TANC2: variants seen among roughly 807,000 people sequenced by gnomAD.
TANC2 encodes tetratricopeptide repeat, ankyrin repeat and coiled-coil containing 2.
In TANC2, 26 loss-of-function variants were observed where a neutral mutation model predicts 210.5. The ratio of observed to expected loss-of-function variants is 0.12; its 90% confidence interval spans 0.09 to 0.17. TANC2 has a LOEUF of 0.17. TANC2 is among the 10% of genes least tolerant of loss of function. The pLI is 1.00. For synonymous variants in TANC2, 931 were observed against 967.1 expected, an observed-to-expected ratio of 0.96 and a Z score of 0.69; for missense variants, 2,129 against 2,608.9, an observed-to-expected ratio of 0.82 and a Z score of 4.01.
intron 5 of TANC2, among the ~76,000 whole-genome samples, chr17:63,168,955 G>A (rs746436192): frequency 5.9e-5 from 9 of 152,174 alleles, no homozygotes; most frequent in Non-Finnish European, 1.3e-4. Context: ...AATATCATTT[G>A]TTCTCAGCTA....
chr17:63,140,624 G>A (rs532963334), intron 4 of TANC2, among the ~76,000 whole-genome samples: 1 of 152,186 alleles, frequency 6.6e-6, no homozygotes, highest in African/African-American at 2.4e-5. Flanking sequence ...ATGGAGACCA[G>A]GATATTGGTG....
chr17:63,130,403 T>C (rs989379258), intron 4 of TANC2, among the ~76,000 whole-genome samples: 2 of 152,010 alleles, frequency 1.3e-5, no homozygotes, highest in Admixed American at 6.6e-5. Context: ...TCCCAGCTAC[T>C]TGGGAGGCTG....
At chr17:63,033,889 G>C (rs1490615080) in intron 2 of TANC2, among the ~76,000 whole-genome samples, 1 of 152,076 alleles carries the variant, frequency 6.6e-6, no homozygotes, top group Non-Finnish European at 1.5e-5. Context: ...CTATAAAGTC[G>C]AATTTACTTT....
At chr17:63,088,242 T>G (rs1305679246) in intron 3 of TANC2, 1 of 152,172 alleles carries the variant, frequency 6.6e-6, no homozygotes, top group Non-Finnish European at 1.5e-5. Flanking sequence ...AGTCATAAGG[T>G]TTCTTTCCAG....
intron 3 of TANC2, among the ~76,000 whole-genome samples, chr17:63,076,134 A>AT (rs577292271): frequency 6.6e-6 from 1 of 152,186 alleles, no homozygotes; most frequent in Non-Finnish European, 1.5e-5. Flanking sequence ...ATGAAGAAGC[A>AT]TTGGGTTTCT....
chr17:63,027,346 CT>C (rs1365547462), intron 2 of TANC2, among the ~76,000 whole-genome samples: 1 of 151,710 alleles, frequency 6.6e-6, no homozygotes, highest in African/African-American at 2.4e-5. Context: ...ATTTTTGATT[CT>C]TTAAAAAAGG....
intron 3 of TANC2, among the ~76,000 whole-genome samples, chr17:63,098,479 C>T (rs924486704): frequency 1.7e-4 from 5 of 29,900 alleles, no homozygotes; most frequent in Non-Finnish European, 3.7e-4. Context: ...CACACACACA[C>T]ATACACTCTC....
chr17:63,330,456 T>C (rs2045800483), intron 11 of TANC2, among the ~76,000 whole-genome samples: 1 of 152,156 alleles, frequency 6.6e-6, no homozygotes, highest in South Asian at 2.1e-4. Context: ...AAAAAAAAAT[T>C]TATTCAGGAT....
intron 8 of TANC2, among the ~76,000 whole-genome samples, chr17:63,263,484 A>G (rs972429259): frequency 5.9e-5 from 9 of 152,206 alleles, no homozygotes; most frequent in African/African-American, 9.6e-5. Context: ...TTTGAAGCTT[A>G]AAGTACCATA....
intron 4 of TANC2, among the ~76,000 whole-genome samples, chr17:63,115,203 G>A (rs982575914): frequency 2.0e-5 from 3 of 152,140 alleles, no homozygotes; most frequent in Non-Finnish European, 4.4e-5. Context: ...AACTTACTAG[G>A]TAGAAGAGAT....
At chr17:63,108,551 C>G (rs1266424042) in intron 4 of TANC2, among the ~76,000 whole-genome samples, 2 of 151,800 alleles carry the variant, frequency 1.3e-5, no homozygotes, top group Non-Finnish European at 2.9e-5. Flanking sequence ...GTGGCTCACG[C>G]CTGTAATCCC....
chr17:63,262,337 C>T (rs948358703), intron 8 of TANC2, among the ~76,000 whole-genome samples: 2 of 152,088 alleles, frequency 1.3e-5, no homozygotes, highest in African/African-American at 4.8e-5. Context: ...GCGCACTATA[C>T]CCAATCAGTT....
intron 8 of TANC2, among the ~76,000 whole-genome samples, chr17:63,240,960 T>C (rs536079818): frequency 6.6e-6 from 1 of 152,182 alleles, no homozygotes; most frequent in Non-Finnish European, 1.5e-5. Context: ...CTTTTTGACA[T>C]TAGCAACTGA....
intron 14 of TANC2, among the ~76,000 whole-genome samples, chr17:63,372,038 C>T (rs1475630298): frequency 6.6e-6 from 1 of 152,126 alleles, no homozygotes. Context: ...ACTTATCCAG[C>T]AAAGGGGAGG....
chr17:63,407,287 G>A (rs1370678533), intron 21 of TANC2, among the ~76,000 whole-genome samples: 1 of 152,154 alleles, frequency 6.6e-6, no homozygotes, highest in Non-Finnish European at 1.5e-5. Context: ...CCCCATATAA[G>A]CTACCAAAGA....
intron 8 of TANC2, among the ~76,000 whole-genome samples, chr17:63,244,578 T>C (rs2042864501): frequency 6.6e-6 from 1 of 152,248 alleles, no homozygotes; most frequent in Non-Finnish European, 1.5e-5. Flanking sequence ...GTTTGTGCTG[T>C]TATCATTTGT....
At chr17:63,351,522 C>CA in intron 13 of TANC2, 106 bp downstream of exon 13, 1 of 809,424 alleles carries the variant, frequency 1.2e-6, no homozygotes, top group Non-Finnish European at 1.7e-6. Context: ...TGTCCTAGAG[C>CA]ATTATGAAGA....
intron 5 of TANC2, chr17:63,153,889 C>G (rs925265737): frequency 6.6e-6 from 1 of 152,022 alleles, no homozygotes; most frequent in South Asian, 2.1e-4. Flanking sequence ...CTGTGTTGTC[C>G]TGCATGTAAA....
At chr17:63,000,459 G>A (rs530866050) in intron 1 of TANC2, among the ~76,000 whole-genome samples, 1 of 152,268 alleles carries the variant, frequency 6.6e-6, no homozygotes, top group South Asian at 2.1e-4. Context: ...TAATATAGCA[G>A]AAGAAGACAT....
Sources: allele counts gnomAD v4.1 joint callset (sites outside exome capture counted in the v4.1 genomes callset), GRCh38; gene constraint gnomAD v4.1.1; transcripts MANE v1.5; gene names NCBI Gene and HGNC (gene_info 2026-07-23, HGNC 2026-07-21).